The following DNAH6 variants were observed in gnomAD, a reference collection of about 807,000 sequenced individuals.
DNAH6 encodes the protein axonemal beta dynein heavy chain 6.
A neutral mutation model predicts 491.4 loss-of-function variants in DNAH6; 340 were observed. The ratio of observed to expected loss-of-function variants is 0.69; its 90% CI spans 0.63 to 0.76. The LOEUF (loss-of-function observed/expected upper bound fraction) is 0.76, where lower values mean the gene tolerates loss of function less well. DNAH6 is among the 30% of genes least tolerant of loss of function. The probability of loss-of-function intolerance (pLI) is 0.00; values close to 1 mark genes in which losing one functional copy is unlikely to be tolerated. For synonymous variants in DNAH6, 1,603 were observed against 1,686.1 expected, an observed-to-expected ratio of 0.95 and a Z score of 1.21; for missense variants, 4,443 against 4,972.2, an observed-to-expected ratio of 0.89 and a Z score of 3.20.
intron 63 of DNAH6, among the ~76,000 whole-genome samples, chr2:84,748,046 C>T (rs929878242): frequency 5.3e-5 from 8 of 152,178 alleles, no homozygotes; most frequent in African/African-American, 1.9e-4. Context: ...TTCTTGCCTC[C>T]CAGGGCTCTG....
chr2:84,767,731 A>C (rs959619794), intron 64 of DNAH6, among the ~76,000 whole-genome samples: 9 of 152,118 alleles, frequency 5.9e-5, no homozygotes, highest in African/African-American at 1.9e-4. Context: ...AGGAGAGAAG[A>C]GTGCAGAATA....
At chr2:84,527,259 A>T (rs906794702) in intron 3 of DNAH6, among the ~76,000 whole-genome samples, 1 of 152,112 alleles carries the variant, frequency 6.6e-6, no homozygotes. Context: ...TGCATTGTAC[A>T]GTTTATGAAT....
upstream of DNAH6, among the ~76,000 whole-genome samples, chr2:84,512,474 C>G (rs1349023553): frequency 1.3e-5 from 2 of 152,168 alleles, no homozygotes; most frequent in Non-Finnish European, 1.5e-5. Context: ...TCCATTTTGA[C>G]CTAATCACCT....
At chr2:84,520,854 A>G (rs1288650085) in intron 2 of DNAH6, among the ~76,000 whole-genome samples, 1 of 152,052 alleles carries the variant, frequency 6.6e-6, no homozygotes, top group Non-Finnish European at 1.5e-5. Context: ...GCTATTGTGA[A>G]TAGTGCTGCA....
At chr2:84,605,923 T>C (rs1685713483) in intron 20 of DNAH6, among the ~76,000 whole-genome samples, 1 of 152,058 alleles carries the variant, frequency 6.6e-6, no homozygotes, top group Non-Finnish European at 1.5e-5. Context: ...TCTTAAATAT[T>C]AGATGGGATT....
At position 84,778,504 on chromosome 2, in the gene DNAH6, C is replaced by CT. The variant is rs35187823; in HGVS notation, c.10704-2976dup. 9.2e-3 allele frequency among the ~76,000 whole-genome samples: 1,344 copies of CT among 145,890 alleles called. 16 individuals carry two copies. Among genetic ancestry groups the CT allele is most frequent in the African/African-American group, 0.028 (1,127 of 40,066 alleles). ...CAATGTAGGAATTTAGCACTATAAA[C>CT]TTTTTTTTTTTTTGAGACAGGGTCT... On this transcript the variant is annotated intron_variant, in intron 64 of 76. Coordinates refer to ENST00000389394, the MANE Select transcript of DNAH6 (RefSeq NM_001370.2).
intron 46 of DNAH6, among the ~76,000 whole-genome samples, chr2:84,696,259 T>C (rs1695372561): frequency 6.6e-6 from 1 of 151,930 alleles, no homozygotes; most frequent in African/African-American, 2.4e-5. Flanking sequence ...AAAGAAATTT[T>C]TATTAAATTG....
At chr2:84,595,314 T>C (rs1408687753) in intron 17 of DNAH6, among the ~76,000 whole-genome samples, 2 of 152,182 alleles carry the variant, frequency 1.3e-5, no homozygotes, top group African/African-American at 4.8e-5. Flanking sequence ...AGGTATATAA[T>C]CAAATAATAG....
intron 72 of DNAH6, among the ~76,000 whole-genome samples, chr2:84,810,201 A>G (rs1005630031): frequency 1.3e-5 from 2 of 152,194 alleles, no homozygotes; most frequent in African/African-American, 2.4e-5. Context: ...TGTATTCATT[A>G]CATTTTTTGT....
the DNAH6 span, among the ~76,000 whole-genome samples, chr2:84,506,326 AG>A: frequency 6.6e-6 from 1 of 151,818 alleles, no homozygotes. Context: ...AGTGATGGTG[AG>A]CATTTTTTCG....
At chr2:84,504,245 CTTGA>C in the DNAH6 span, among the ~76,000 whole-genome samples, 2 of 152,176 alleles carry the variant, frequency 1.3e-5, no homozygotes, top group South Asian at 2.1e-4. Flanking sequence ...AGAATTTCTG[CTTGA>C]TTCTTTTTAA....
intron 62 of DNAH6, among the ~76,000 whole-genome samples, chr2:84,736,265 T>C (rs1231121240): frequency 2.6e-5 from 4 of 152,108 alleles, no homozygotes; most frequent in Non-Finnish European, 5.9e-5. Flanking sequence ...TATATTTACA[T>C]GTTGAATAAC....
At chr2:84,551,406 A>C (rs1679350429) in intron 9 of DNAH6, among the ~76,000 whole-genome samples, 2 of 149,256 alleles carry the variant, frequency 1.3e-5, no homozygotes, top group East Asian at 3.9e-4. Flanking sequence ...GGGAAAAAAG[A>C]TATTATACTT....
the DNAH6 span, among the ~76,000 whole-genome samples, chr2:84,504,575 A>C: frequency 6.6e-6 from 1 of 152,186 alleles, no homozygotes; most frequent in Non-Finnish European, 1.5e-5. Context: ...AGATATTTGA[A>C]AGGACTTGGG....
intron 62 of DNAH6, among the ~76,000 whole-genome samples, chr2:84,736,181 A>G (rs536348968): frequency 3.3e-5 from 5 of 152,052 alleles, no homozygotes; most frequent in Admixed American, 1.3e-4. Context: ...GCTTTATTTC[A>G]GGGGTCTCTA....
At chr2:84,573,396 T>G in intron 11 of DNAH6, 71 bp from the exon 12 acceptor site, 2 of 1,301,696 alleles carry the variant, frequency 1.5e-6, no homozygotes, top group Non-Finnish European at 2.1e-6. Flanking sequence ...GTTTCTTTGT[T>G]TAGTTGTATT....
chr2:84,728,308 T>C (rs535471168), intron 61 of DNAH6, among the ~76,000 whole-genome samples: 106 of 152,316 alleles, frequency 7.0e-4, no homozygotes, highest in Non-Finnish European at 1.1e-3. Flanking sequence ...AATACTATGA[T>C]CGTTATTCTA....
chr2:84,469,337 AT>A, the DNAH6 span, among the ~76,000 whole-genome samples: 40 of 150,784 alleles, frequency 2.7e-4, no homozygotes, highest in East Asian at 5.8e-4. The surrounding 1 kb of genome is among the most constrained non-coding windows in gnomAD (Gnocchi z 4.0). Flanking sequence ...AAAGGAAAAA[AT>A]TTTTTTTTTC....
At chr2:84,592,764 A>G (rs1684228325) in intron 16 of DNAH6, among the ~76,000 whole-genome samples, 1 of 152,198 alleles carries the variant, frequency 6.6e-6, no homozygotes, top group Non-Finnish European at 1.5e-5. Flanking sequence ...GCAAAATAAG[A>G]AAATCCTGCT....
Sources: gnomAD v4.1 joint callset for allele counts (sites outside exome capture counted in the v4.1 genomes callset) on GRCh38, gnomAD v4.1.1 for gene constraint, Gnocchi (gnomAD v3.1) non-coding constraint, MANE v1.5 for transcripts, NCBI Gene and HGNC (gene_info 2026-07-23, HGNC 2026-07-21) for gene names.